Variants in WDR87 observed in about 807,000 individuals in gnomAD.
WDR87 encodes WD repeat-containing protein 87.
WDR87 carries 56 observed loss-of-function variants against 83.3 expected under a neutral mutation model. That is an observed-to-expected ratio of 0.67 (90% CI 0.54 to 0.84). The LOEUF is 0.84. WDR87 is among the 40% of genes least tolerant of loss of function. The probability of loss-of-function intolerance (pLI) is 0.00; values close to 1 mark genes in which losing one functional copy is unlikely to be tolerated. For missense variants in WDR87, 2,939 were observed against 3,431.9 expected (o/e 0.86, Z 3.59); for synonymous variants, 1,173 against 1,250.6 (o/e 0.94, Z 1.31).
At chr19:37,896,651 T>C (rs1158169775) in intron 2 of WDR87, among the ~76,000 whole-genome samples, 5 of 152,128 alleles carry the variant, frequency 3.3e-5, no homozygotes, top group African/African-American at 1.2e-4. Flanking sequence ...TGGAGTCTCT[T>C]TCTGTTGCCC....
rs1568452252 is a variant in WDR87 at position 37,891,831 on chromosome 19, CAAAGG to C, written c.3126-16_3126-12del. ...CCGATCATCTGCTGCCTATGAAAGT[CAAAGG>C]AGAAGAAGGACTATGCTGAGTCAGG... On this transcript the variant is annotated splice_polypyrimidine_tract_variant and intron_variant, in intron 4 of 5. Transcript: ENST00000447313. 2 of 1,550,274 alleles carry C rather than the reference CAAAGG, an allele frequency of 1.3e-6. No homozygotes were observed. Among genetic ancestry groups the C allele is most frequent in the Admixed American group, 3.9e-5 (2 of 50,734 alleles).
chr19:37,894,912 T>C lies in WDR87; in HGVS notation c.791A>G (p.Glu264Gly). 6.4e-7 allele frequency: 1 copy of C among 1,551,706 alleles called. No homozygotes were observed. Among genetic ancestry groups the C allele is most frequent in the Admixed American group, 2.0e-5 (1 of 51,014 alleles). ...GFLYAGNQAG[E>G]IQVWSLQQGH... ...CTGCTGGAGGCTCCAAACTTGGATT[T>C]CCCCAGCTTGGTTTCCAGCATAGAG... is the stretch of plus-strand genomic sequence containing the variant. The change falls in exon 4 of 6, where the codon GAA (glutamate) becomes GGA (glycine). Residue 264 changes from glutamate (E) to glycine (G), a missense_variant. By Grantham distance (98) the Glu-to-Gly change is moderately conservative. Coordinates refer to ENST00000447313, the MANE Select transcript of WDR87 (RefSeq NM_001291088.2).
chr19:37,900,560 CAAA>C (rs58946958), intron 1 of WDR87, among the ~76,000 whole-genome samples: 3 of 78,072 alleles, frequency 3.8e-5, no homozygotes, highest in East Asian at 4.2e-4. Context: ...GACTCCGTCT[CAAA>C]AAAAAAAAAA....
At chr19:37,890,994 A>G (rs1022129164) in intron 5 of WDR87, among the ~76,000 whole-genome samples, 3 of 152,138 alleles carry the variant, frequency 2.0e-5, no homozygotes, top group African/African-American at 7.2e-5. Context: ...CAAAACGTGC[A>G]GGTTTGTTAC....
rs1453827670 is a variant in WDR87 at position 37,890,290 on chromosome 19, C to T, written c.3395-14G>A. 1.5e-5 allele frequency: 23 copies of T among 1,510,984 alleles called. No individual in the cohort carries two copies. The highest frequency in any genetic ancestry group is 1.7e-4 in the Middle Eastern group (1 of 5,818). 93.6% of individuals were successfully genotyped at this position (1,510,984 alleles called of 1,614,324 possible). On this transcript the variant is annotated splice_polypyrimidine_tract_variant and intron_variant, in intron 5 of 5. Coordinates refer to ENST00000447313, the MANE Select transcript of WDR87 (RefSeq NM_001291088.2). Reference sequence around the variant, plus strand: ...ACCATTTTTGGCCTGCAGTAAAAATCGAGAGATGGAGGTAAGCAAAGTATG... The same window carrying T: ...ACCATTTTTGGCCTGCAGTAAAAATTGAGAGATGGAGGTAAGCAAAGTATG...
Position 37,887,700 on chromosome 19 carries a change from C to T in WDR87, c.5971G>A (p.Gly1991Arg), listed in dbSNP as rs1475899198. Reference protein sequence around the residue: ...AMVQGKKRLRGELDIAKEEKA... With the variant: ...AMVQGKKRLRRELDIAKEEKA... The stretch of plus-strand genomic sequence containing the variant: ...TCTTCCTTAGCAATATCCAACTCTC[C>T]TCTGAGCCGTTTCTTTCCTTGGACC... The change falls in exon 6 of 6, where the codon GGA (glycine) becomes AGA (arginine). Residue 1991 changes from glycine (G) to arginine (R), a missense_variant. This residue lies in a region of WDR87 where 2,160 missense variants were observed against 2,533.1 expected (regional missense o/e 0.85). Transcript: ENST00000447313. 6.4e-7 allele frequency: 1 copy of T among 1,552,190 alleles called. No homozygotes were observed. Among genetic ancestry groups the T allele is most frequent in the Non-Finnish European group, 8.7e-7 (1 of 1,147,144 alleles).
Position 37,892,910 on chromosome 19 carries a change from A to G in WDR87, c.2793T>C (p.His931=), listed in dbSNP as rs748695799. ...AGCACTGGTACTTCAGCAAGGAAGC[A>G]TGGACCATAATATTGAGCATTGTCT... ...MIETMLNIMV[H]ASLLKYQCCV... The change falls in exon 4 of 6, where the codon CAT becomes CAC. Residue 931 remains histidine (H), a synonymous_variant. Transcript: ENST00000447313. 8 of 1,552,004 alleles carry G rather than the reference A, an allele frequency of 5.2e-6. No individual in the cohort carries two copies. Among genetic ancestry groups the G allele is most frequent in the East Asian group, 2.4e-5 (1 of 40,934 alleles).
Position 37,893,565 on chromosome 19 carries a change from A to G in WDR87, c.2138T>C (p.Met713Thr), listed in dbSNP as rs1341997097. 3 of 1,551,736 alleles carry G rather than the reference A, an allele frequency of 1.9e-6. No individual in the cohort carries two copies. The highest frequency in any genetic ancestry group is 2.0e-5 in the Admixed American group (1 of 50,994). ...AGGGTAGATGTACTTGGGCACAAAC[A>G]TGGTCTCAAAGGAGAAGAAGAAGCT... ...IPSFFFSFET[M>T]FVPKYIYPGQ... is the part of the protein sequence containing the mutation. Residue 713 changes from methionine to threonine, a missense_variant, in exon 4 of 6, where the codon ATG becomes ACG. Coordinates refer to ENST00000447313, the MANE Select transcript of WDR87 (RefSeq NM_001291088.2).
Position 37,895,108 on chromosome 19 carries a change from G to A in WDR87, c.595C>T (p.Gln199Ter), listed in dbSNP as rs2046243226. ...CTGGGACCATTCAGCACGATGTCCT[G>A]GACAAGCTCATCACCTGGCATGGAG... ...MVSMPGDELV[Q>*]DIVLNGPSGS... Residue 199 changes from glutamine (Q) to a stop codon, truncating the protein, a stop_gained, in exon 4 of 6, where the codon CAG (glutamine) becomes TAG (stop). Transcript: ENST00000447313. LOFTEE classifies it high-confidence loss of function. 1 of 1,551,602 alleles carries A rather than the reference G, an allele frequency of 6.4e-7. No homozygotes were observed. The highest frequency in any genetic ancestry group is 1.4e-5 in the African/African-American group (1 of 73,042).
intron 3 of WDR87, 148 bp downstream of exon 3, chr19:37,895,990 C>A: frequency 9.0e-7 from 1 of 1,110,062 alleles, no homozygotes; most frequent in Non-Finnish European, 1.3e-6. Context: ...AACATGGGGA[C>A]TATAATTGGA....
In WDR87 at chr19:37,894,359, G is replaced by C; in HGVS notation, c.1344C>G (p.Leu448=). The stretch of plus-strand genomic sequence containing the variant: ...CCTGAGAATTTGGTGAGGTGCCTAA[G>C]AGATACTTGGCTGGGCAAGGGCAGC... ...TTRCPCPAKY[L]LGTSPNSQDF... Residue 448 remains leucine, a synonymous_variant, in exon 4 of 6, where the codon CTC becomes CTG. Transcript: ENST00000447313. 6.4e-7 allele frequency: 1 copy of C among 1,551,790 alleles called. No homozygotes were observed. The highest frequency in any genetic ancestry group is 8.7e-7 in the Non-Finnish European group (1 of 1,147,032).
chr19:37,886,879 A>C lies in WDR87; in HGVS notation c.6792T>G (p.His2264Gln), dbSNP rs74420483. 4.5e-5 allele frequency: 70 copies of C among 1,551,404 alleles called. No homozygotes were observed. The African/African-American group carries it at 8.3e-4, about 19-fold the overall frequency. ...SQVDEVESEE[H>Q]FSEEMESLLD... The stretch of plus-strand genomic sequence containing the variant: ...ACAGGCTTTCCATTTCTTCAGAAAA[A>C]TGCTCTTCACTTTCCACTTCATCCA... The change falls in exon 6 of 6, where the codon CAT (histidine) becomes CAG (glutamine). Residue 2264 changes from histidine (H) to glutamine (Q), a missense_variant. By Grantham distance (24) the His-to-Gln change is conservative (BLOSUM62 0). This residue lies in a region of WDR87 where 2,160 missense variants were observed against 2,533.1 expected (regional missense o/e 0.85). Coordinates refer to ENST00000447313, the MANE Select transcript of WDR87 (RefSeq NM_001291088.2).
At position 37,889,427 on chromosome 19, in the gene WDR87, A is replaced by T; in HGVS notation, c.4244T>A (p.Leu1415Ter). 6.4e-7 allele frequency: 1 copy of T among 1,551,722 alleles called. No individual in the cohort carries two copies. Among genetic ancestry groups the T allele is most frequent in the Non-Finnish European group, 8.7e-7 (1 of 1,147,020 alleles). ...TCCCATGGTTACATTACCTGGTTCT[A>T]AAAAAATAACTTTCTTGCCCTTTTT... ...ILKKGKKVIF[L>*]EPGNVTMGKE... Residue 1415 changes from leucine (L) to a stop codon, truncating the protein, a stop_gained, in exon 6 of 6, where the codon TTA (leucine) becomes TAA (stop). Transcript: ENST00000447313. LOFTEE classifies it low-confidence loss of function (END_TRUNC).
chr19:37,906,268 G>A (rs1038666542), intron 1 of WDR87, among the ~76,000 whole-genome samples: 2 of 152,060 alleles, frequency 1.3e-5, no homozygotes, highest in Non-Finnish European at 2.9e-5. Flanking sequence ...CAAGGTGTAG[G>A]TACTCTACAA....
rs1216100719 is a variant in WDR87 at position 37,893,270 on chromosome 19, A to G, written c.2433T>C (p.Gly811=). ...GGGCAAAAAGCCATTCCCGCCCATG[A>G]CCAAAGTAGTATCGCAATATCTGAT... The part of the protein sequence containing the change: ...NPYQILRYYF[G]HGREWLFAPD... The change falls in exon 4 of 6, where the codon GGT becomes GGC. Residue 811 remains glycine (G), a synonymous_variant. Coordinates refer to ENST00000447313, the MANE Select transcript of WDR87 (RefSeq NM_001291088.2). 2 of 1,551,760 alleles carry G rather than the reference A, an allele frequency of 1.3e-6. No homozygotes were observed. The highest frequency in any genetic ancestry group is 1.7e-6 in the Non-Finnish European group (2 of 1,147,004).
At chr19:37,892,394 GGAA>G (rs2046213369) in intron 4 of WDR87, among the ~76,000 whole-genome samples, 181 bp downstream of exon 4, 1 of 152,074 alleles carries the variant, frequency 6.6e-6, no homozygotes, top group Admixed American at 6.6e-5. Context: ...AAAAAAAGAA[GGAA>G]GAGGAGGAGG....
At position 37,895,077 on chromosome 19, in the gene WDR87, G is replaced by A; in HGVS notation, c.626C>T (p.Ser209Phe). 4 of 1,551,696 alleles carry A rather than the reference G, an allele frequency of 2.6e-6. No individual in the cohort carries two copies. Among genetic ancestry groups the A allele is most frequent in the Non-Finnish European group, 3.5e-6 (4 of 1,146,990 alleles). ...QDIVLNGPSG[S>F]LLALCETVVR... ...CACCGTCTCACACAGGGCCAGGAGG[G>A]AGCCACTGGGACCATTCAGCACGAT... is the stretch of plus-strand genomic sequence containing the variant. The change falls in exon 4 of 6, where the codon TCC (serine) becomes TTC (phenylalanine). Residue 209 changes from serine to phenylalanine, a missense_variant. Transcript: ENST00000447313.
chr19:37,896,346 A>G (rs2046255940), intron 2 of WDR87, 38 bp from the exon 3 acceptor site: 1 of 1,540,786 alleles, frequency 6.5e-7, no homozygotes, highest in Non-Finnish European at 8.8e-7. Flanking sequence ...AGGCCAGGGC[A>G]CAGAGGCACT....
Position 37,890,261 on chromosome 19 carries a change from C to T in WDR87, c.3410G>A (p.Arg1137Gln), listed in dbSNP as rs923791599. ...TCTCTCTTTCGTCTTCTTGAGACCCCGCAACCATTTTTGGCCTGCAGTAAA... is the reference window on the plus strand; with the variant it reads ...TCTCTCTTTCGTCTTCTTGAGACCCTGCAACCATTTTTGGCCTGCAGTAAA... ...GVKKHSQKWL[R>Q]GLKKTKERDS... The change falls in exon 6 of 6, where the codon CGG becomes CAG. Residue 1137 changes from arginine (R) to glutamine (Q), a missense_variant. Coordinates refer to ENST00000447313, the MANE Select transcript of WDR87 (RefSeq NM_001291088.2). 1.7e-5 allele frequency: 26 copies of T among 1,527,120 alleles called. No individual in the cohort carries two copies. The highest frequency in any genetic ancestry group is 4.2e-5 in the Admixed American group (2 of 47,498). 94.6% of individuals were successfully genotyped at this position (1,527,120 alleles called of 1,614,324 possible).
Sources: gnomAD v4.1 joint callset for allele counts (sites outside exome capture counted in the v4.1 genomes callset) on GRCh38, gnomAD v4.1.1 for gene constraint, gnomAD v4.1.1 regional missense constraint, MANE v1.5 for transcripts, NCBI Gene and HGNC (gene_info 2026-07-23, HGNC 2026-07-21) for gene names.